The following ZBTB18 variants were observed in gnomAD, a reference collection of about 807,000 sequenced individuals.
ZBTB18 encodes the protein zinc finger and BTB domain-containing protein 18.
Under a neutral mutation model 37.7 loss-of-function variants are expected in ZBTB18, and 2 were observed. The observed-to-expected ratio is 0.05, with a 90% CI of 0.02 to 0.17. The LOEUF is 0.17. ZBTB18 is among the 10% of genes least tolerant of loss of function. The pLI, the probability that ZBTB18 is intolerant of heterozygous loss-of-function variation, is 1.00. For synonymous variants in ZBTB18, 304 were observed against 276.5 expected (o/e 1.10, Z -0.99); for missense variants, 408 against 686.3 (o/e 0.59, Z 4.53).
chr1:244,054,617 G>A lies in ZBTB18; in HGVS notation c.843G>A (p.Val281=). The A allele has an allele frequency of 6.2e-7, 1 of 1,614,254 alleles. No individual in the cohort carries two copies. The highest frequency in any genetic ancestry group is 8.5e-7 in the Non-Finnish European group (1 of 1,180,048). The change falls in exon 2 of 2, where the codon GTG becomes GTA. Residue 281 remains valine (V), a synonymous_variant. Transcript: ENST00000358704. The surrounding 1 kb of genome is among the most constrained non-coding windows in gnomAD (Gnocchi z 9.0). ...TGCTGAGAAGCAACCTGGTGCAGGT[G>A]AAGGTGGAGAAAGAGGCTTCCTGTG... ...QDVLRSNLVQ[V]KVEKEASCDE...
At position 244,055,283 on chromosome 1, in the gene ZBTB18, C is replaced by T. The variant is rs1698440665; in HGVS notation, c.1509C>T (p.Asn503=). 1 of 1,613,880 alleles carries T rather than the reference C, an allele frequency of 6.2e-7. No individual in the cohort carries two copies. The highest frequency in any genetic ancestry group is 1.1e-5 in the South Asian group (1 of 91,088). Residue 503 remains asparagine, a synonymous_variant, in exon 2 of 2, where the codon AAC becomes AAT. Transcript: ENST00000358704. The surrounding 1 kb of genome is among the most constrained non-coding windows in gnomAD (Gnocchi z 7.0). ...HIRKFHCELV[N]SLSVKSEALS... ...GCAAGTTCCACTGTGAGTTGGTGAA[C>T]TCCTTGTCGGTCAAAAGCGAAGCAC...
Position 244,051,385 on chromosome 1 carries a change from C to G in ZBTB18, c.-47C>G, listed in dbSNP as rs1453569929. 6.2e-7 allele frequency: 1 copy of G among 1,611,050 alleles called. No individual in the cohort carries two copies. The highest frequency in any genetic ancestry group is 8.5e-7 in the Non-Finnish European group (1 of 1,178,940). On this transcript the variant is annotated 5_prime_UTR_variant, in exon 1 of 2. Transcript: ENST00000358704. Reference sequence around the variant, plus strand: ...GTCTGCTTTTTTTCCACCGATGTAACAGACCTGGAGCCAGCAGGACTCAGA... The same window carrying G: ...GTCTGCTTTTTTTCCACCGATGTAAGAGACCTGGAGCCAGCAGGACTCAGA...
In ZBTB18 at chr1:244,054,026, C is replaced by T. The variant is rs752012028; in HGVS notation, c.252C>T (p.Phe84=). The T allele has an allele frequency of 1.4e-5, 22 of 1,614,104 alleles. No homozygotes were observed. The highest frequency in any genetic ancestry group is 1.8e-5 in the Non-Finnish European group (21 of 1,180,034). The change falls in exon 2 of 2, where the codon TTC becomes TTT. Residue 84 remains phenylalanine (F), a synonymous_variant. Transcript: ENST00000358704. The surrounding 1 kb of genome is among the most constrained non-coding windows in gnomAD (Gnocchi z 9.0). ...LNSDIVTAPA[F]ALLLEFMYEG... The stretch of plus-strand genomic sequence containing the variant: ...GCGACATTGTTACAGCCCCCGCTTT[C>T]GCTCTCCTGCTTGAATTCATGTATG...
Position 244,054,905 on chromosome 1 carries a change from G to T in ZBTB18, c.1131G>T (p.Gln377His), listed in dbSNP as rs1456177526. 1.9e-6 allele frequency: 3 copies of T among 1,614,054 alleles called. No homozygotes were observed. Among genetic ancestry groups the T allele is most frequent in the Admixed American group, 1.7e-5 (1 of 60,016 alleles). The change falls in exon 2 of 2, where the codon CAG becomes CAT. Residue 377 changes from glutamine (Q) to histidine (H), a missense_variant. Gln to His is a conservative substitution (Grantham distance 24). This residue lies in a region of ZBTB18 where 266 missense variants were observed against 312.0 expected (regional missense o/e 0.85). Coordinates refer to ENST00000358704, the MANE Select transcript of ZBTB18 (RefSeq NM_205768.3). The surrounding 1 kb of genome is among the most constrained non-coding windows in gnomAD (Gnocchi z 9.0). ...CCAACATCCTGAGCCCCGCGGGCCA[G>T]ATCTTCATGTGCCCCCTGTGCAACA... The part of the protein sequence containing the change: ...YVSNILSPAG[Q>H]IFMCPLCNKV...
intron 1 of ZBTB18, among the ~76,000 whole-genome samples, chr1:244,051,903 T>G (rs1698362310): frequency 6.6e-6 from 1 of 152,202 alleles, no homozygotes; most frequent in Non-Finnish European, 1.5e-5. Flanking sequence ...TGAGCAGCAC[T>G]ACTGAAACAT....
rs1395141116 is a variant in ZBTB18 at position 244,053,605 on chromosome 1, C to A, written c.14-183C>A. The A allele has an allele frequency of 2.3e-6, 1 of 439,482 alleles. No individual in the cohort carries two copies. Among genetic ancestry groups the A allele is most frequent in the Non-Finnish European group, 3.0e-6 (1 of 330,916 alleles). The allele number at this position is 439,482 out of a possible 1,614,324, so 27.2% of individuals were successfully genotyped here. A position where few individuals can be genotyped will look rare whatever the true frequency, so the allele number is the denominator to read the frequency against. On this transcript the variant is annotated intron_variant, in intron 1 of 1. Coordinates refer to ENST00000358704, the MANE Select transcript of ZBTB18 (RefSeq NM_205768.3). This position sits in a 1 kb window ranked among gnomAD's most constrained non-coding sequence, Gnocchi z 5.2. ...GGGGTGAGGAAGTTCAGAAAGTGTG[C>A]ATTTTCCTTCTGGCATTTAGGTCTT...
Position 244,055,418 on chromosome 1 carries a change from A to G in ZBTB18, c.*48A>G. 1.6e-6 allele frequency: 1 copy of G among 630,386 alleles called. No individual in the cohort carries two copies. The highest frequency in any genetic ancestry group is 2.2e-6 in the Non-Finnish European group (1 of 456,462). 39.0% of individuals were successfully genotyped at this position (630,386 alleles called of 1,614,324 possible). On this transcript the variant is annotated 3_prime_UTR_variant, in exon 2 of 2. Transcript: ENST00000358704. The surrounding 1 kb of genome is among the most constrained non-coding windows in gnomAD (Gnocchi z 7.0). ...TATATATATATACATATATATAAAT[A>G]GATCTCTATATAGTTGTGGTACGGT...
chr1:244,050,905 G>T (rs1698336521), upstream of ZBTB18, among the ~76,000 whole-genome samples: 1 of 152,180 alleles, frequency 6.6e-6, no homozygotes, highest in Non-Finnish European at 1.5e-5. Flanking sequence ...GAAACTAAAC[G>T]TTGGAGTTGA....
chr1:244,055,441 G>T lies in ZBTB18; in HGVS notation c.*71G>T. The T allele has an allele frequency of 1.8e-6, 1 of 552,282 alleles. No homozygotes were observed. Among genetic ancestry groups the T allele is most frequent in the Non-Finnish European group, 2.5e-6 (1 of 394,008 alleles). 34.2% of individuals were successfully genotyped at this position (552,282 alleles called of 1,614,324 possible). ...ATAGATCTCTATATAGTTGTGGTACGGTCTAAAAGCAGTCTTGTTTCCTGG... is the reference window on the plus strand; with the variant it reads ...ATAGATCTCTATATAGTTGTGGTACTGTCTAAAAGCAGTCTTGTTTCCTGG... On this transcript the variant is annotated 3_prime_UTR_variant, in exon 2 of 2. Transcript: ENST00000358704. The surrounding 1 kb of genome is among the most constrained non-coding windows in gnomAD (Gnocchi z 7.0).
Position 244,054,404 on chromosome 1 carries a change from A to G in ZBTB18, c.630A>G (p.Ala210=). 1 of 1,614,228 alleles carries G rather than the reference A, an allele frequency of 6.2e-7. No homozygotes were observed. Among genetic ancestry groups the G allele is most frequent in the Non-Finnish European group, 8.5e-7 (1 of 1,180,046 alleles). ...GCATCCCCCAGGCTGGCGGAGAGGCAGAGCCACACGCCACAGCAGCTGGAA... is the reference window on the plus strand; with the variant it reads ...GCATCCCCCAGGCTGGCGGAGAGGCGGAGCCACACGCCACAGCAGCTGGAA... ...SAGIPQAGGE[A]EPHATAAGKT... is the part of the protein sequence containing the mutation. The change falls in exon 2 of 2, where the codon GCA becomes GCG. Residue 210 remains alanine, a synonymous_variant. Coordinates refer to ENST00000358704, the MANE Select transcript of ZBTB18 (RefSeq NM_205768.3). This position sits in a 1 kb window ranked among gnomAD's most constrained non-coding sequence, Gnocchi z 9.0.
intron 1 of ZBTB18, 75 bp downstream of exon 1, chr1:244,051,519 T>C (rs1014846048): frequency 2.0e-5 from 31 of 1,562,784 alleles, no homozygotes; most frequent in Admixed American, 1.7e-5. Context: ...AAAATCACAT[T>C]ACTTTTCTAA....
chr1:244,054,670 A>T lies in ZBTB18; in HGVS notation c.896A>T (p.Tyr299Phe). ...GAGAGTGATGTTGGCACTAATGACTATGACATGGAACATAGCACTGTGAAA... is the reference window on the plus strand; with the variant it reads ...GAGAGTGATGTTGGCACTAATGACTTTGACATGGAACATAGCACTGTGAAA... ...CDESDVGTND[Y>F]DMEHSTVKES... is the part of the protein sequence containing the mutation. The change falls in exon 2 of 2, where the codon TAT becomes TTT. Residue 299 changes from tyrosine (Y) to phenylalanine (F), a missense_variant. Coordinates refer to ENST00000358704, the MANE Select transcript of ZBTB18 (RefSeq NM_205768.3). The surrounding 1 kb of genome is among the most constrained non-coding windows in gnomAD (Gnocchi z 9.0). 6.2e-7 allele frequency: 1 copy of T among 1,614,234 alleles called. No homozygotes were observed. The highest frequency in any genetic ancestry group is 8.5e-7 in the Non-Finnish European group (1 of 1,180,038).
rs750135496 is a variant in ZBTB18 at position 244,056,081 on chromosome 1, T to C, written c.*711T>C. 6.0e-6 allele frequency: 1 copy of C among 167,094 alleles called. No homozygotes were observed. The highest frequency in any genetic ancestry group is 6.5e-5 in the Admixed American group (1 of 15,284). The allele number at this position is 167,094 out of a possible 1,614,324, so 10.4% of individuals were successfully genotyped here. A position where few individuals can be genotyped will look rare whatever the true frequency, so the allele number is the denominator to read the frequency against. The stretch of plus-strand genomic sequence containing the variant: ...ACTGTTATTGTATACTGTAATTGAT[T>C]ACATGGGCTGGGGGGGTGTCAAAGA... On this transcript the variant is annotated 3_prime_UTR_variant, in exon 2 of 2. Coordinates refer to ENST00000358704, the MANE Select transcript of ZBTB18 (RefSeq NM_205768.3).
At chr1:244,048,661 C>T (rs1280306756), upstream of ZBTB18, among the ~76,000 whole-genome samples, 36 of 146,600 alleles carry the variant, frequency 2.5e-4, no homozygotes, top group Admixed American at 1.5e-3. Context: ...CCACCCGGCC[C>T]GGCGGCTCCG....
chr1:244,054,105 A>G lies in ZBTB18; in HGVS notation c.331A>G (p.Ser111Gly). ...CATTGAAGACGTGCTAGCAGCTGCC[A>G]GTTATCTCCACATGTATGACATTGT... ...LPIEDVLAAA[S>G]YLHMYDIVKV... The change falls in exon 2 of 2, where the codon AGT becomes GGT. Residue 111 changes from serine (S) to glycine (G), a missense_variant. By Grantham distance (56) the Ser-to-Gly change is moderately conservative. Coordinates refer to ENST00000358704, the MANE Select transcript of ZBTB18 (RefSeq NM_205768.3). The surrounding 1 kb of genome is among the most constrained non-coding windows in gnomAD (Gnocchi z 9.0). 1 of 1,614,162 alleles carries G rather than the reference A, an allele frequency of 6.2e-7. No homozygotes were observed. The highest frequency in any genetic ancestry group is 8.5e-7 in the Non-Finnish European group (1 of 1,180,038).
chr1:244,048,530 G>A (rs1244337010), upstream of ZBTB18, among the ~76,000 whole-genome samples: 1 of 150,028 alleles, frequency 6.7e-6, no homozygotes, highest in South Asian at 2.1e-4. Context: ...AGGGGAAGGA[G>A]AGGGGCGGAC....
Position 244,054,487 on chromosome 1 carries a change from C to G in ZBTB18, c.713C>G (p.Ser238Cys), listed in dbSNP as rs748870844. Residue 238 changes from serine to cysteine, a missense_variant, in exon 2 of 2, where the codon TCC becomes TGC. Physicochemically the swap from Ser to Cys is moderately radical, Grantham distance 112. Transcript: ENST00000358704. The surrounding 1 kb of genome is among the most constrained non-coding windows in gnomAD (Gnocchi z 9.0). The part of the protein sequence containing the change: ...TESLSQRSVT[S>C]VRDSADVDCV... ...TCTTTGTCCCAGAGGTCTGTCACCT[C>G]CGTGAGGGATTCGGCAGATGTTGAC... 6.2e-7 allele frequency: 1 copy of G among 1,614,202 alleles called. No individual in the cohort carries two copies. Among genetic ancestry groups the G allele is most frequent in the South Asian group, 1.1e-5 (1 of 91,080 alleles).
chr1:244,053,379 CTTTG>C lies in ZBTB18; in HGVS notation c.14-405_14-402del, dbSNP rs760822348. ...GTTCCAGGATATGTTTGGGACTTTTCTTTGTTTATTATATGAGTTGTTCCCTTTG... is the reference window on the plus strand; with the variant it reads ...GTTCCAGGATATGTTTGGGACTTTTCTTTATTATATGAGTTGTTCCCTTTG... On this transcript the variant is annotated intron_variant, in intron 1 of 1. Transcript: ENST00000358704. The surrounding 1 kb of genome is among the most constrained non-coding windows in gnomAD (Gnocchi z 5.2). Among the ~76,000 whole-genome samples the C allele has an allele frequency of 7.2e-5, 11 of 151,930 alleles. No homozygotes were observed. The highest frequency in any genetic ancestry group is 2.1e-4 in the South Asian group (1 of 4,822).
upstream of ZBTB18, among the ~76,000 whole-genome samples, chr1:244,050,827 G>T (rs1463946410): frequency 6.6e-6 from 1 of 152,162 alleles, no homozygotes; most frequent in Non-Finnish European, 1.5e-5. Context: ...AAAAAGTGCG[G>T]TAATAATGTT....
Sources: gnomAD v4.1 joint callset for allele counts (sites outside exome capture counted in the v4.1 genomes callset) on GRCh38, gnomAD v4.1.1 for gene constraint, gnomAD v4.1.1 regional missense constraint, Gnocchi (gnomAD v3.1) non-coding constraint, MANE v1.5 for transcripts, NCBI Gene and HGNC (gene_info 2026-07-23, HGNC 2026-07-21) for gene names.